The following RPS6KB1 variants were observed in gnomAD, a reference collection of about 807,000 sequenced individuals.
RPS6KB1 encodes ribosomal protein S6 kinase B1.
RPS6KB1 carries 12 observed loss-of-function variants against 70.2 expected under a neutral mutation model. The ratio of observed to expected loss-of-function variants is 0.17; its 90% confidence interval spans 0.11 to 0.28. The LOEUF is 0.28. Among genes scored for constraint, RPS6KB1 ranks in the 10% least tolerant of loss-of-function variants. The pLI is 1.00. For missense variants in RPS6KB1, 270 were observed against 646.6 expected, an observed-to-expected ratio of 0.42 and a Z score of 6.32; for synonymous variants, 175 against 211.2, an observed-to-expected ratio of 0.83 and a Z score of 1.49.
intron 2 of RPS6KB1, among the ~76,000 whole-genome samples, chr17:59,911,538 G>GTTTTTTTTTTTT (rs1184826889): frequency 1.3e-5 from 1 of 74,740 alleles, no homozygotes; most frequent in Non-Finnish European, 2.4e-5. Flanking sequence ...TTTTTGTTGG[G>GTTTTTTTTTTTT]TTTTTTTTTT....
chr17:59,934,977 A>C lies in RPS6KB1; in HGVS notation c.871-216A>C. 1 of 441,134 alleles carries C rather than the reference A, an allele frequency of 2.3e-6. No homozygotes were observed. The highest frequency in any genetic ancestry group is 2.0e-5 in the African/African-American group (1 of 49,898). The allele number at this position is 441,134 out of a possible 1,614,324, so 27.3% of individuals were successfully genotyped here. On this transcript the variant is annotated intron_variant, in intron 9 of 14. Transcript: ENST00000225577. The surrounding 1 kb of genome is among the most constrained non-coding windows in gnomAD (Gnocchi z 4.8). ...TGAGGTGGGAGGATCATTTGAGCTAAGGATTATTAATAGAATCTAGCCTTG... is the reference window on the plus strand; with the variant it reads ...TGAGGTGGGAGGATCATTTGAGCTACGGATTATTAATAGAATCTAGCCTTG...
chr17:59,896,284 C>G (rs1020182097), intron 1 of RPS6KB1, among the ~76,000 whole-genome samples: 1 of 152,018 alleles, frequency 6.6e-6, no homozygotes, highest in African/African-American at 2.4e-5. Flanking sequence ...GCCTCCACTT[C>G]CCGGGTTCAA....
intron 13 of RPS6KB1, among the ~76,000 whole-genome samples, chr17:59,942,150 G>A (rs1255634778): frequency 1.2e-4 from 18 of 152,028 alleles, no homozygotes; most frequent in South Asian, 4.1e-4. Flanking sequence ...AAGCCACCAC[G>A]CCCAGTCGAT....
intron 1 of RPS6KB1, among the ~76,000 whole-genome samples, chr17:59,903,669 T>C (rs746789429): frequency 2.0e-5 from 3 of 152,120 alleles, no homozygotes; most frequent in Non-Finnish European, 4.4e-5. Context: ...TCACTAGCAC[T>C]GTATGAGGGT....
intron 4 of RPS6KB1, among the ~76,000 whole-genome samples, chr17:59,925,703 A>G (rs1410151734): frequency 6.6e-6 from 1 of 151,884 alleles, no homozygotes; most frequent in Non-Finnish European, 1.5e-5. Flanking sequence ...ATCTCTAACC[A>G]CTTCTAACCA....
rs184736710 is a variant in RPS6KB1 at position 59,942,372 on chromosome 17, A to G, written c.1227+1429A>G. On this transcript the variant is annotated intron_variant, in intron 13 of 14. Coordinates refer to ENST00000225577, the MANE Select transcript of RPS6KB1 (RefSeq NM_003161.4). Reference sequence around the variant, plus strand: ...TATAGCTTGTCTCCTCAGAAAAGTAAAGGTTTTTGATGTTGGCCAACAGAA... The same window carrying G: ...TATAGCTTGTCTCCTCAGAAAAGTAGAGGTTTTTGATGTTGGCCAACAGAA... 3.9e-5 allele frequency among the ~76,000 whole-genome samples: 6 copies of G among 152,316 alleles called. No individual in the cohort carries two copies. In the East Asian group the frequency reaches 1.2e-3, roughly 29 times the overall value.
intron 14 of RPS6KB1, 59 bp downstream of exon 14, chr17:59,945,577 G>C: frequency 1.1e-6 from 1 of 900,314 alleles, no homozygotes; most frequent in Non-Finnish European, 1.8e-6. Context: ...AAGAGTGTTT[G>C]CTTAAGAAGT....
intron 4 of RPS6KB1, among the ~76,000 whole-genome samples, chr17:59,925,029 C>G (rs1025312046): frequency 2.0e-5 from 3 of 152,002 alleles, no homozygotes; most frequent in Admixed American, 6.6e-5. Context: ...GATGGCGTTT[C>G]ACCGTGTTAG....
intron 1 of RPS6KB1, among the ~76,000 whole-genome samples, chr17:59,905,368 A>C (rs2042204358): frequency 6.6e-6 from 1 of 152,158 alleles, no homozygotes; most frequent in African/African-American, 2.4e-5. Flanking sequence ...CATTTTCAGT[A>C]AATCGATTTA....
Position 59,950,262 on chromosome 17 carries a change from C to T in RPS6KB1, c.*3474C>T, listed in dbSNP as rs939011744. 2 of 152,530 alleles carry T rather than the reference C, an allele frequency of 1.3e-5. No individual in the cohort carries two copies. The highest frequency in any genetic ancestry group is 2.4e-5 in the African/African-American group (1 of 41,428). 9.4% of individuals were successfully genotyped at this position (152,530 alleles called of 1,614,324 possible). Reference sequence around the variant, plus strand: ...ACTATTGTTTCTCCTATCCCAAGTTCGCTTTGCATCTATCAGTAAATAAAA... The same window carrying T: ...ACTATTGTTTCTCCTATCCCAAGTTTGCTTTGCATCTATCAGTAAATAAAA... On this transcript the variant is annotated 3_prime_UTR_variant, in exon 15 of 15. Coordinates refer to ENST00000225577, the MANE Select transcript of RPS6KB1 (RefSeq NM_003161.4).
intron 4 of RPS6KB1, among the ~76,000 whole-genome samples, chr17:59,923,003 A>G (rs2043372388): frequency 6.8e-6 from 1 of 146,298 alleles, no homozygotes; most frequent in Admixed American, 6.8e-5. Flanking sequence ...AGTCGCTGGG[A>G]TAGGTGCGTG....
In RPS6KB1 at chr17:59,893,721, G is replaced by A. The variant is rs907949943; in HGVS notation, c.141+396G>A. ...CGAAGTGTGGAGGGTTTCCCTTCGA[G>A]TCTAGAATTTCAAGTATTGAATCTT... On this transcript the variant is annotated intron_variant, in intron 1 of 14. Coordinates refer to ENST00000225577, the MANE Select transcript of RPS6KB1 (RefSeq NM_003161.4). This position sits in a 1 kb window ranked among gnomAD's most constrained non-coding sequence, Gnocchi z 4.1. 7 of 964,596 alleles carry A rather than the reference G, an allele frequency of 7.3e-6. No homozygotes were observed. The highest frequency in any genetic ancestry group is 8.7e-6 in the Non-Finnish European group (7 of 804,670). The allele number at this position is 964,596 out of a possible 1,614,324, so 59.8% of individuals were successfully genotyped here.
intron 3 of RPS6KB1, among the ~76,000 whole-genome samples, chr17:59,913,969 G>A (rs2042797796): frequency 6.6e-6 from 1 of 152,138 alleles, no homozygotes; most frequent in African/African-American, 2.4e-5. Flanking sequence ...CCAAAGTGCC[G>A]GGTTTACAGT....
At chr17:59,928,638 T>C (rs1001166290) in intron 5 of RPS6KB1, among the ~76,000 whole-genome samples, 3 of 152,074 alleles carry the variant, frequency 2.0e-5, no homozygotes, top group African/African-American at 7.2e-5. Flanking sequence ...GTGTGAGCCA[T>C]TGCACCCAGC....
chr17:59,909,720 T>A (rs1178890327), intron 1 of RPS6KB1, among the ~76,000 whole-genome samples: 1 of 150,620 alleles, frequency 6.6e-6, no homozygotes, highest in African/African-American at 2.4e-5. Context: ...CTACTAAAAA[T>A]GCAAAAATTA....
chr17:59,893,928 T>G lies in RPS6KB1; in HGVS notation c.141+603T>G, dbSNP rs182728142. ...CTGCATCTTCCAATCTTCCAGGGTT[T>G]GTTTGTTTGCTTTTTTTTTTTTACC... On this transcript the variant is annotated intron_variant, in intron 1 of 14. Coordinates refer to ENST00000225577, the MANE Select transcript of RPS6KB1 (RefSeq NM_003161.4). The surrounding 1 kb of genome is among the most constrained non-coding windows in gnomAD (Gnocchi z 4.1). 4.4e-5 allele frequency: 43 copies of G among 979,368 alleles called. No individual in the cohort carries two copies. The highest frequency in any genetic ancestry group is 2.0e-4 in the Admixed American group (3 of 15,194). The allele number at this position is 979,368 out of a possible 1,614,324, so 60.7% of individuals were successfully genotyped here.
chr17:59,938,212 G>A (rs1367033055), intron 12 of RPS6KB1, among the ~76,000 whole-genome samples: 4 of 99,834 alleles, frequency 4.0e-5, no homozygotes, highest in Middle Eastern at 0.018. Flanking sequence ...TTTCTCTGTT[G>A]CCCAGGCTGG....
chr17:59,939,948 G>A (rs1241553032), intron 12 of RPS6KB1, among the ~76,000 whole-genome samples: 1 of 152,164 alleles, frequency 6.6e-6, no homozygotes, highest in Non-Finnish European at 1.5e-5. Context: ...TAAATCTCAT[G>A]GTTAGAACTG....
chr17:59,907,930 T>A (rs1193799499), intron 1 of RPS6KB1, among the ~76,000 whole-genome samples: 1 of 152,124 alleles, frequency 6.6e-6, no homozygotes, highest in African/African-American at 2.4e-5. Context: ...TTATTTAAAT[T>A]TTGCACTCAT....
Sources: gnomAD v4.1 joint callset for allele counts (sites outside exome capture counted in the v4.1 genomes callset) on GRCh38, gnomAD v4.1.1 for gene constraint, Gnocchi (gnomAD v3.1) non-coding constraint, MANE v1.5 for transcripts, NCBI Gene and HGNC (gene_info 2026-07-23, HGNC 2026-07-21) for gene names.